ZRANB3: variants seen among roughly 807,000 people sequenced by gnomAD.
ZRANB3 encodes zinc finger RANBP2-type containing 3.
Under a neutral mutation model 133.8 loss-of-function variants are expected in ZRANB3, and 125 were observed. The ratio of observed to expected loss-of-function variants is 0.93; its 90% CI spans 0.81 to 1.08. The LOEUF (loss-of-function observed/expected upper bound fraction) is 1.08. Ranked by LOEUF, ZRANB3 falls within the 50% of genes least tolerant of loss-of-function variation. The pLI, the probability that ZRANB3 is intolerant of heterozygous loss-of-function variation, is 0.00. For synonymous variants in ZRANB3, 387 were observed against 432.7 expected, an observed-to-expected ratio of 0.89 and a Z score of 1.31; for missense variants, 1,229 against 1,275.5, an observed-to-expected ratio of 0.96 and a Z score of 0.56.
At chr2:135,387,638 C>A (rs548125056) in intron 3 of ZRANB3, among the ~76,000 whole-genome samples, 19 of 152,142 alleles carry the variant, frequency 1.2e-4, no homozygotes, top group African/African-American at 2.9e-4. Flanking sequence ...ACATCATAAA[C>A]CCTGTCAAGT....
Position 135,345,549 on chromosome 2 carries a change from C to T in ZRANB3, c.677+1G>A, listed in dbSNP as rs1330100636. On this transcript the variant is annotated splice_donor_variant, in intron 6 of 20. Coordinates refer to ENST00000264159, the MANE Select transcript of ZRANB3 (RefSeq NM_032143.4). LOFTEE classifies it high-confidence loss of function. ...AATTTACGGAAAATAGTTTAACTTA[C>T]CTGATGTGTGCATTACAGTATCTTT... is the stretch of plus-strand genomic sequence containing the variant. 1.2e-6 allele frequency: 2 copies of T among 1,605,378 alleles called. No individual in the cohort carries two copies. The highest frequency in any genetic ancestry group is 8.5e-7 in the Non-Finnish European group (1 of 1,175,966).
chr2:135,408,358 C>A (rs1688141446), intron 2 of ZRANB3, among the ~76,000 whole-genome samples: 1 of 152,066 alleles, frequency 6.6e-6, no homozygotes, highest in African/African-American at 2.4e-5. Context: ...GAAATAGGAA[C>A]ACTTTTACAC....
At chr2:135,270,617 T>C (rs760714591) in intron 10 of ZRANB3, among the ~76,000 whole-genome samples, 2 of 152,196 alleles carry the variant, frequency 1.3e-5, no homozygotes, top group Non-Finnish European at 2.9e-5. Flanking sequence ...GTCTAACAGA[T>C]AAATAACTCC....
chr2:135,479,598 G>A (rs1363876075), intron 2 of ZRANB3, among the ~76,000 whole-genome samples: 1 of 152,006 alleles, frequency 6.6e-6, no homozygotes, highest in Non-Finnish European at 1.5e-5. Flanking sequence ...TCCAGGAGGC[G>A]GAGGTTGCAG....
chr2:135,419,019 T>C (rs1472316669), intron 2 of ZRANB3, among the ~76,000 whole-genome samples: 3 of 134,344 alleles, frequency 2.2e-5, no homozygotes, highest in Non-Finnish European at 4.7e-5. Context: ...CTCGCTGCAA[T>C]CTCTGCCTCC....
chr2:135,271,895 C>T lies in ZRANB3; in HGVS notation c.1087-8G>A. ...TATCCTAATGTAACGAGTCTAGCAT[C>T]AACAAGGAAAACGGCAAAATTAGGA... On this transcript the variant is annotated splice_polypyrimidine_tract_variant and splice_region_variant and intron_variant, in intron 9 of 20. Coordinates refer to ENST00000264159, the MANE Select transcript of ZRANB3 (RefSeq NM_032143.4). The T allele has an allele frequency of 6.2e-7, 1 of 1,606,944 alleles. No individual in the cohort carries two copies. Among genetic ancestry groups the T allele is most frequent in the Non-Finnish European group, 8.5e-7 (1 of 1,177,544 alleles).
chr2:135,237,596 G>A (rs1695351082), intron 12 of ZRANB3, among the ~76,000 whole-genome samples: 1 of 151,642 alleles, frequency 6.6e-6, no homozygotes, highest in South Asian at 2.1e-4. Flanking sequence ...ATACACCATG[G>A]AATACTATGC....
At chr2:135,325,922 C>T (rs1683791891) in intron 6 of ZRANB3, among the ~76,000 whole-genome samples, 1 of 152,114 alleles carries the variant, frequency 6.6e-6, no homozygotes, top group African/African-American at 2.4e-5. Context: ...GACAAAGGAA[C>T]ATGTTAAACA....
rs1329259532 is a variant in ZRANB3, at chr2:135,364,099, CAGGAGGGA to C, written c.181-10479_181-10472del. On this transcript the variant is annotated intron_variant, in intron 3 of 20. Transcript: ENST00000264159. ...GAAGGAGGGCAGGAAGGAAGGAGGG[CAGGAGGGA>C]AGGAGGGAAGGAAGAAGGGAAGGAA... is the stretch of plus-strand genomic sequence containing the variant. 2.1e-5 allele frequency among the ~76,000 whole-genome samples: 3 copies of C among 141,660 alleles called. No individual in the cohort carries two copies. The East Asian group carries it at 6.1e-4, about 29-fold the overall frequency. The allele number at this position is 141,660 out of a possible 152,430, so 92.9% of individuals were successfully genotyped here.
chr2:135,265,983 G>T (rs1470016534), intron 11 of ZRANB3, among the ~76,000 whole-genome samples: 1 of 152,158 alleles, frequency 6.6e-6, no homozygotes, highest in East Asian at 1.9e-4. Flanking sequence ...GCCAAGGGGG[G>T]CGATCACCTG....
At chr2:135,418,790 A>T (rs1353025220) in intron 2 of ZRANB3, among the ~76,000 whole-genome samples, 1 of 152,114 alleles carries the variant, frequency 6.6e-6, no homozygotes, top group African/African-American at 2.4e-5. Context: ...AGGGGCCCAG[A>T]GGAGCTTTTC....
At chr2:135,403,675 C>T (rs774173337) in intron 2 of ZRANB3, among the ~76,000 whole-genome samples, 60 of 152,168 alleles carry the variant, frequency 3.9e-4, no homozygotes, top group Non-Finnish European at 6.3e-4. Flanking sequence ...CCCTGACCAC[C>T]GAGTAGCCTA....
At chr2:135,388,483 C>A (rs16831582) in intron 3 of ZRANB3, among the ~76,000 whole-genome samples, 2 of 152,072 alleles carry the variant, frequency 1.3e-5, no homozygotes, top group Non-Finnish European at 2.9e-5. Flanking sequence ...TAAGATTTTT[C>A]ACCATGACTT....
chr2:135,350,030 C>T lies in ZRANB3; in HGVS notation c.545G>A (p.Arg182Gln), dbSNP rs754580098. The T allele has an allele frequency of 3.1e-6, 5 of 1,613,756 alleles. No homozygotes were observed. The highest frequency in any genetic ancestry group is 3.3e-5 in the Admixed American group (2 of 60,002). ...ILLPIVQKAR[R>Q]AILLTGTPAL... ...TGGTGTTCCTGTAAGAAGAATGGCT[C>T]GTCTGGCTTTCTGTACTATTGGCAA... Residue 182 changes from arginine to glutamine, a missense_variant, in exon 5 of 21, where the codon CGA becomes CAA. Arg to Gln is a conservative substitution (Grantham distance 43). Transcript: ENST00000264159.
At chr2:135,381,334 G>A (rs960209957) in intron 3 of ZRANB3, among the ~76,000 whole-genome samples, 2 of 152,186 alleles carry the variant, frequency 1.3e-5, no homozygotes, top group Admixed American at 6.5e-5. Context: ...GGCTTGAGTA[G>A]GTAAACAAAG....
intron 17 of ZRANB3, among the ~76,000 whole-genome samples, chr2:135,212,673 T>C (rs537444511): frequency 2.6e-5 from 4 of 152,292 alleles, no homozygotes; most frequent in South Asian, 2.1e-4. Flanking sequence ...AAAAGGATTA[T>C]GGTAAATCCC....
At chr2:135,312,317 C>T (rs1326287154) in intron 8 of ZRANB3, among the ~76,000 whole-genome samples, 1 of 151,850 alleles carries the variant, frequency 6.6e-6, no homozygotes, top group East Asian at 1.9e-4. Context: ...CCCTCCTCAG[C>T]CTCCCAAGTA....
chr2:135,208,320 T>C (rs1693964752), intron 18 of ZRANB3, among the ~76,000 whole-genome samples: 7 of 152,202 alleles, frequency 4.6e-5, no homozygotes, highest in Admixed American at 3.3e-4. Flanking sequence ...CAGAGTGAAA[T>C]AGCTGACAGT....
chr2:135,264,778 A>T (rs1382316817), intron 12 of ZRANB3, among the ~76,000 whole-genome samples: 1 of 144,520 alleles, frequency 6.9e-6, no homozygotes, highest in Non-Finnish European at 1.5e-5. Flanking sequence ...ACACAGTCTC[A>T]CTCTATCGCC....
Sources: allele counts gnomAD v4.1 joint callset (sites outside exome capture counted in the v4.1 genomes callset), GRCh38; gene constraint gnomAD v4.1.1; transcripts MANE v1.5; gene names NCBI Gene and HGNC (gene_info 2026-07-23, HGNC 2026-07-21).